PRKCE: variants seen among roughly 807,000 people sequenced by gnomAD.
PRKCE encodes the protein protein kinase C epsilon type.
A neutral mutation model predicts 85.4 loss-of-function variants in PRKCE; 16 were observed. That is an observed-to-expected ratio of 0.19 (90% CI 0.13 to 0.28). The LOEUF (loss-of-function observed/expected upper bound fraction) is 0.28. Ranked by LOEUF, PRKCE falls within the 10% of genes least tolerant of loss-of-function variation. The probability of loss-of-function intolerance (pLI) is 1.00; values close to 1 mark genes in which losing one functional copy is unlikely to be tolerated. For synonymous variants in PRKCE, 388 were observed against 371.5 expected (o/e 1.04, Z -0.51); for missense variants, 573 against 975.2 (o/e 0.59, Z 5.49).
At chr2:45,885,305 G>A (rs576659029) in intron 2 of PRKCE, among the ~76,000 whole-genome samples, 226 of 152,206 alleles carry the variant, frequency 1.5e-3, no homozygotes, top group South Asian at 2.3e-3. Context: ...TGATGTGTGT[G>A]TCTGGAGGGA....
At chr2:46,170,169 A>G (rs925768435) in intron 14 of PRKCE, among the ~76,000 whole-genome samples, 5 of 152,228 alleles carry the variant, frequency 3.3e-5, no homozygotes, top group African/African-American at 7.2e-5. Context: ...CAATAAGTAT[A>G]TAGAACACCT....
chr2:46,085,019 T>A (rs1164692261), intron 10 of PRKCE, among the ~76,000 whole-genome samples: 1 of 152,162 alleles, frequency 6.6e-6, no homozygotes, highest in Non-Finnish European at 1.5e-5. Context: ...TTTTTATCAT[T>A]TTGTCCATTT....
intron 2 of PRKCE, among the ~76,000 whole-genome samples, chr2:45,862,284 G>C (rs560814278): frequency 4.0e-4 from 60 of 151,600 alleles, no homozygotes; most frequent in African/African-American, 1.5e-3. Flanking sequence ...GGTTTACCAG[G>C]ACTACTTCCA....
intron 2 of PRKCE, among the ~76,000 whole-genome samples, chr2:45,925,245 A>G (rs908687084): frequency 3.9e-5 from 6 of 152,144 alleles, no homozygotes; most frequent in African/African-American, 4.8e-5. Flanking sequence ...GTGGACAAGC[A>G]TATTATCCTG....
chr2:45,944,103 G>T (rs1700070807), intron 2 of PRKCE, among the ~76,000 whole-genome samples: 1 of 152,146 alleles, frequency 6.6e-6, no homozygotes, highest in South Asian at 2.1e-4. Context: ...ACCCTGCAGG[G>T]CCATTCTATG....
intron 5 of PRKCE, among the ~76,000 whole-genome samples, chr2:45,983,123 C>T (rs781425090): frequency 7.2e-5 from 11 of 152,198 alleles, no homozygotes; most frequent in East Asian, 3.8e-4. Context: ...TGTTCCCAGG[C>T]AAGACCTCAA....
At chr2:45,804,302 C>G (rs907122571) in intron 1 of PRKCE, among the ~76,000 whole-genome samples, 4 of 152,204 alleles carry the variant, frequency 2.6e-5, no homozygotes, top group African/African-American at 9.7e-5. Context: ...TCAACCCTGA[C>G]TAAACATCAG....
Position 45,933,464 on chromosome 2 carries a change from CTTTTTTT to C in PRKCE, c.413-42944_413-42938del, listed in dbSNP as rs59991455. On this transcript the variant is annotated intron_variant, in intron 2 of 14. Transcript: ENST00000306156. ...TTTTACCTTTCACCTCATATGCCTG[CTTTTTTT>C]TTTTTTTTTTTTTTTTTTTTGAGAC... is the stretch of plus-strand genomic sequence containing the variant. Among the ~76,000 whole-genome samples the C allele has an allele frequency of 2.1e-4, 14 of 65,358 alleles. No individual in the cohort carries two copies. In the South Asian group the frequency reaches 2.8e-3, roughly 13 times the overall value. 42.9% of individuals were successfully genotyped at this position (65,358 alleles called of 152,430 possible).
At position 45,958,967 on chromosome 2, in the gene PRKCE, A is replaced by C. The variant is rs554080982; in HGVS notation, c.413-17462A>C. Among the ~76,000 whole-genome samples, 3 of 150,792 alleles carry C rather than the reference A, an allele frequency of 2.0e-5. No individual in the cohort carries two copies. The South Asian group carries it at 6.4e-4, about 32-fold the overall frequency. On this transcript the variant is annotated intron_variant, in intron 2 of 14. Coordinates refer to ENST00000306156, the MANE Select transcript of PRKCE (RefSeq NM_005400.3). ...CTTCAGGCTAGCTATTAACATCAGA[A>C]AGAGCCACGTCAGGGGTCTAACAGG...
chr2:45,660,155 A>G (rs1463782108), intron 1 of PRKCE, among the ~76,000 whole-genome samples: 1 of 152,236 alleles, frequency 6.6e-6, no homozygotes, highest in African/African-American at 2.4e-5. Flanking sequence ...TTGGTAACAC[A>G]AAAGTTGTGT....
intron 11 of PRKCE, among the ~76,000 whole-genome samples, chr2:46,132,732 C>T (rs1674587467): frequency 6.6e-6 from 1 of 152,214 alleles, no homozygotes; most frequent in Non-Finnish European, 1.5e-5. Flanking sequence ...ATTTCTTAGC[C>T]GTTGGAAAGC....
chr2:46,017,770 T>C (rs1706290107), intron 10 of PRKCE, among the ~76,000 whole-genome samples: 1 of 152,212 alleles, frequency 6.6e-6, no homozygotes, highest in Non-Finnish European at 1.5e-5. Context: ...AGTATCTCAT[T>C]ATAGTTTTAA....
chr2:45,862,208 AC>A, intron 2 of PRKCE, among the ~76,000 whole-genome samples: 1 of 151,992 alleles, frequency 6.6e-6, no homozygotes, highest in Non-Finnish European at 1.5e-5. Context: ...ACACACACAC[AC>A]ACACACACAC....
chr2:46,104,209 A>T lies in PRKCE; in HGVS notation c.1592+17847A>T, dbSNP rs541958478. Among the ~76,000 whole-genome samples, 14 of 151,896 alleles carry T rather than the reference A, an allele frequency of 9.2e-5. No homozygotes were observed. In the East Asian group the frequency reaches 2.5e-3, roughly 27 times the overall value. On this transcript the variant is annotated intron_variant, in intron 11 of 14. Coordinates refer to ENST00000306156, the MANE Select transcript of PRKCE (RefSeq NM_005400.3). ...GCTTTGGAAGCCTTCGTCTCCATCA[A>T]GTAACCTTCTGATAATTCTTCTGAT...
intron 2 of PRKCE, among the ~76,000 whole-genome samples, chr2:45,908,338 A>G (rs955934319): frequency 5.3e-5 from 8 of 152,228 alleles, no homozygotes; most frequent in Non-Finnish European, 1.2e-4. Context: ...CAGGCAATAC[A>G]CAGCCAGAAA....
chr2:46,166,718 C>T (rs1370736190), intron 14 of PRKCE: 2 of 152,330 alleles, frequency 1.3e-5, no homozygotes, highest in East Asian at 3.9e-4. Context: ...TAGCTGGGTA[C>T]TGTGGTTCAT....
At chr2:45,755,659 T>C (rs1683941411) in intron 1 of PRKCE, among the ~76,000 whole-genome samples, 1 of 152,262 alleles carries the variant, frequency 6.6e-6, no homozygotes. Context: ...TTATGCTGCA[T>C]GAGGGCAGCG....
chr2:45,944,372 A>AGCC (rs1369707464), intron 2 of PRKCE, among the ~76,000 whole-genome samples: 99 of 152,352 alleles, frequency 6.5e-4, no homozygotes, highest in African/African-American at 2.4e-3. Context: ...TATAGTATCT[A>AGCC]AGGCACAGCT....
At chr2:45,966,808 G>A (rs1234149267) in intron 2 of PRKCE, among the ~76,000 whole-genome samples, 2 of 152,118 alleles carry the variant, frequency 1.3e-5, no homozygotes, top group South Asian at 2.1e-4. Context: ...AACATCTGGG[G>A]GTAGCTGAAC....
Sources: gnomAD v4.1 joint callset for allele counts (sites outside exome capture counted in the v4.1 genomes callset) on GRCh38, gnomAD v4.1.1 for gene constraint, MANE v1.5 for transcripts, NCBI Gene and HGNC (gene_info 2026-07-23, HGNC 2026-07-21) for gene names.